The following LIPG variants were observed in gnomAD, a reference collection of about 807,000 sequenced individuals.
LIPG encodes lipase G, endothelial type.
Under a neutral mutation model 51.8 loss-of-function variants are expected in LIPG, and 34 were observed. The ratio of observed to expected loss-of-function variants is 0.66; its 90% confidence interval spans 0.50 to 0.87. The LOEUF (loss-of-function observed/expected upper bound fraction) is 0.87, where lower values mean the gene tolerates loss of function less well. Among genes scored for constraint, LIPG ranks in the 40% least tolerant of loss-of-function variants. The pLI is 0.00. For missense variants in LIPG, 580 were observed against 652.7 expected (o/e 0.89, Z 1.21); for synonymous variants, 246 against 246.1 (o/e 1.00, Z 0.00).
At position 49,586,787 on chromosome 18, in the gene LIPG, C is replaced by T. The variant is rs2084884373; in HGVS notation, c.1418C>T (p.Ser473Phe). ...CTEDPENTSI[S>F]PGRELWFRKC... is the part of the protein sequence containing the mutation. The stretch of plus-strand genomic sequence containing the variant: ...GAAGACCCTGAGAACACCAGCATAT[C>T]CCCAGGCCGGGAGCTCTGGTTTCGC... The change falls in exon 9 of 10, where the codon TCC (serine) becomes TTC (phenylalanine). Residue 473 changes from serine to phenylalanine, a missense_variant. Physicochemically the swap from Ser to Phe is radical, Grantham distance 155. Coordinates refer to ENST00000261292, the MANE Select transcript of LIPG (RefSeq NM_006033.4). The T allele has an allele frequency of 6.2e-7, 1 of 1,614,056 alleles. No individual in the cohort carries two copies. Among genetic ancestry groups the T allele is most frequent in the Non-Finnish European group, 8.5e-7 (1 of 1,179,950 alleles).
Position 49,581,562 on chromosome 18 carries a change from A to C in LIPG, c.941A>C (p.Asn314Thr). ...GGGATCTGTCTGAGCTGCCGCAAGA[A>C]CCGTTGTAATAGCATTGGCTACAAT... ...KKGICLSCRK[N>T]RCNSIGYNAK... The change falls in exon 6 of 10, where the codon AAC becomes ACC. Residue 314 changes from asparagine to threonine, a missense_variant. Asn to Thr is a moderately conservative substitution (Grantham distance 65, BLOSUM62 0). Coordinates refer to ENST00000261292, the MANE Select transcript of LIPG (RefSeq NM_006033.4). The C allele has an allele frequency of 6.2e-7, 1 of 1,614,220 alleles. No homozygotes were observed. The highest frequency in any genetic ancestry group is 1.1e-5 in the South Asian group (1 of 91,088).
At chr18:49,577,022 AT>A (rs1036055587) in intron 5 of LIPG, among the ~76,000 whole-genome samples, 11 of 151,576 alleles carry the variant, frequency 7.3e-5, no homozygotes, top group African/African-American at 2.7e-4. Context: ...TTTTTTATTT[AT>A]TTATTTTTTT....
intron 5 of LIPG, among the ~76,000 whole-genome samples, chr18:49,576,037 C>T (rs141073942): frequency 0.015 from 2,335 of 152,094 alleles, 53 homozygotes; most frequent in African/African-American, 0.053. Flanking sequence ...GGGTTTTCAC[C>T]ATGTTGGCCA....
At chr18:49,578,134 CT>C (rs2084749230) in intron 5 of LIPG, among the ~76,000 whole-genome samples, 1 of 140,744 alleles carries the variant, frequency 7.1e-6, no homozygotes, top group Non-Finnish European at 1.6e-5. Context: ...CCCCCCCCAC[CT>C]CCCTCCCGGA....
Position 49,575,366 on chromosome 18 carries a change from C to A in LIPG, c.572-3C>A. On this transcript the variant is annotated splice_polypyrimidine_tract_variant and splice_region_variant and intron_variant, in intron 4 of 9. Coordinates refer to ENST00000261292, the MANE Select transcript of LIPG (RefSeq NM_006033.4). ...GCTGTTTTGGGGCCTCCTTCTGCTGCAGGTTTGGATCCTGCCGGGCCCATG... is the reference window on the plus strand; with the variant it reads ...GCTGTTTTGGGGCCTCCTTCTGCTGAAGGTTTGGATCCTGCCGGGCCCATG... The A allele has an allele frequency of 6.2e-7, 1 of 1,612,108 alleles. No individual in the cohort carries two copies. The highest frequency in any genetic ancestry group is 8.5e-7 in the Non-Finnish European group (1 of 1,179,842).
At chr18:49,581,056 C>T (rs1390187730) in intron 5 of LIPG, among the ~76,000 whole-genome samples, 1 of 152,104 alleles carries the variant, frequency 6.6e-6, no homozygotes, top group Admixed American at 6.5e-5. Flanking sequence ...CCCAGGAGTT[C>T]AAGACCAGCC....
chr18:49,579,767 T>TC (rs374152970), intron 5 of LIPG, among the ~76,000 whole-genome samples: 2,847 of 45,258 alleles, frequency 0.063, 29 homozygotes, highest in South Asian at 0.09. Context: ...TCCTTTCCTT[T>TC]CTTTTCTTTT....
intron 7 of LIPG, 62 bp from the exon 8 acceptor site, chr18:49,583,494 C>A: frequency 7.1e-7 from 1 of 1,404,586 alleles, no homozygotes; most frequent in Non-Finnish European, 1.0e-6. Flanking sequence ...TGTGTCACCC[C>A]ACACAGTGTG....
chr18:49,581,215 C>T (rs982849000), intron 5 of LIPG, among the ~76,000 whole-genome samples, 200 bp from the exon 6 acceptor site: 2 of 152,026 alleles, frequency 1.3e-5, no homozygotes, highest in African/African-American at 2.4e-5. Flanking sequence ...AGCGGGGGGT[C>T]GTGATTGTCC....
chr18:49,570,145 G>A (rs73960669), intron 4 of LIPG, among the ~76,000 whole-genome samples: 336 of 152,326 alleles, frequency 2.2e-3, no homozygotes, highest in African/African-American at 7.8e-3. Context: ...ATTTATGAAT[G>A]AGAGCTACCA....
intron 5 of LIPG, 123 bp downstream of exon 5, chr18:49,575,713 C>T: frequency 1.2e-6 from 1 of 800,126 alleles, no homozygotes; most frequent in Non-Finnish European, 2.1e-6. Flanking sequence ...CCACAGAGGC[C>T]TCCAATGCTG....
rs1054239866 is a variant in LIPG at position 49,596,096 on chromosome 18, A to G, written c.*5574A>G. The G allele has an allele frequency of 3.3e-5, 5 of 152,160 alleles. No homozygotes were observed. Among genetic ancestry groups the G allele is most frequent in the Non-Finnish European group, 5.9e-5 (4 of 68,038 alleles). The allele number at this position is 152,160 out of a possible 1,614,324, so 9.4% of individuals were successfully genotyped here. On this transcript the variant is annotated 3_prime_UTR_variant, in exon 10 of 10. Coordinates refer to ENST00000261292, the MANE Select transcript of LIPG (RefSeq NM_006033.4). ...AACTCCTGTGACACACCATTTAACT[A>G]CATAACAAACCTGCATACGTACCCC...
At chr18:49,578,531 T>C (rs1231137267) in intron 5 of LIPG, among the ~76,000 whole-genome samples, 1 of 145,476 alleles carries the variant, frequency 6.9e-6, no homozygotes, top group Non-Finnish European at 1.5e-5. Context: ...CGCTCCTCAC[T>C]TTCCAGACTG....
At chr18:49,583,523 G>A in intron 7 of LIPG, 33 bp from the exon 8 acceptor site, 3 of 1,584,916 alleles carry the variant, frequency 1.9e-6, no homozygotes, top group Non-Finnish European at 1.7e-6. Flanking sequence ...CCAGCTGTTA[G>A]GGGAGTGAGA....
At position 49,569,496 on chromosome 18, in the gene LIPG, C is replaced by T. The variant is rs139830474; in HGVS notation, c.519C>T (p.His173=). ...TGATCGGCTACAGCCTCGGAGCGCA[C>T]GTGGCCGGGTATGCAGGCAACTTCG... is the stretch of plus-strand genomic sequence containing the variant. ...VHLIGYSLGA[H]VAGYAGNFVK... The change falls in exon 4 of 10, where the codon CAC becomes CAT. Residue 173 remains histidine (H), a synonymous_variant. Coordinates refer to ENST00000261292, the MANE Select transcript of LIPG (RefSeq NM_006033.4). The T allele has an allele frequency of 3.3e-5, 54 of 1,614,068 alleles. No individual in the cohort carries two copies. In the Middle Eastern group the frequency reaches 4.9e-4, roughly 15 times the overall value.
Position 49,576,457 on chromosome 18 carries a change from C to CTTTTTTTTTTTT in LIPG, c.793+883_793+894dup, listed in dbSNP as rs34597464. On this transcript the variant is annotated intron_variant, in intron 5 of 9. Coordinates refer to ENST00000261292, the MANE Select transcript of LIPG (RefSeq NM_006033.4). ...TCTTTTTTTAAAAGACAGAATCTTG[C>CTTTTTTTTTTTT]TTTTTTTTTTTTTTTTTTTTTTTTT... Among the ~76,000 whole-genome samples, 428 of 51,502 alleles carry CTTTTTTTTTTTT rather than the reference C, an allele frequency of 8.3e-3. 141 individuals carry two copies. The highest frequency in any genetic ancestry group is 9.9e-3 in the Non-Finnish European group (284 of 28,672). The allele number at this position is 51,502 out of a possible 152,430, so 33.8% of individuals were successfully genotyped here.
chr18:49,581,850 T>G, intron 6 of LIPG, 193 bp downstream of exon 6: 1 of 682,886 alleles, frequency 1.5e-6, no homozygotes, highest in Non-Finnish European at 2.5e-6. Context: ...GTGGACCCCT[T>G]TTGTGATGTG....
At chr18:49,561,639 C>T (rs2148845884), upstream of LIPG, 1 of 1,204,446 alleles carries the variant, frequency 8.3e-7, no homozygotes, top group Non-Finnish European at 1.0e-6. Flanking sequence ...GCCCAGGGAG[C>T]GGATAGACCA....
In LIPG at chr18:49,565,464, C is replaced by A. The variant is rs779417520; in HGVS notation, c.245C>A (p.Thr82Lys). Reference protein sequence around the residue: ...QPLEDCSFNMTAKTFFIIHGW... With the variant: ...QPLEDCSFNMKAKTFFIIHGW... ...TTAGAAGACTGCAGTTTCAACATGACAGCTAAAACCTTTTTCATCATTCAC... is the reference window on the plus strand; with the variant it reads ...TTAGAAGACTGCAGTTTCAACATGAAAGCTAAAACCTTTTTCATCATTCAC... The change falls in exon 2 of 10, where the codon ACA (threonine) becomes AAA (lysine). Residue 82 changes from threonine to lysine, a missense_variant. Coordinates refer to ENST00000261292, the MANE Select transcript of LIPG (RefSeq NM_006033.4). 6.2e-7 allele frequency: 1 copy of A among 1,614,256 alleles called. No individual in the cohort carries two copies. Among genetic ancestry groups the A allele is most frequent in the Non-Finnish European group, 8.5e-7 (1 of 1,180,046 alleles).
Sources: gnomAD v4.1 joint callset for allele counts (sites outside exome capture counted in the v4.1 genomes callset) on GRCh38, gnomAD v4.1.1 for gene constraint, MANE v1.5 for transcripts, NCBI Gene and HGNC (gene_info 2026-07-23, HGNC 2026-07-21) for gene names.